GMEB2: variants seen among roughly 807,000 people sequenced by gnomAD.
GMEB2 encodes glucocorticoid modulatory element binding protein 2.
In GMEB2, 7 loss-of-function variants were observed where a neutral mutation model predicts 45.7. That is an observed-to-expected ratio of 0.15 (90% CI 0.09 to 0.29). The LOEUF is 0.29. Among genes scored for constraint, GMEB2 ranks in the 10% least tolerant of loss-of-function variants. GMEB2 has a pLI of 1.00. For missense variants in GMEB2, 582 were observed against 739.2 expected (o/e 0.79, Z 2.47); for synonymous variants, 322 against 323.6 (o/e 1.00, Z 0.05).
At chr20:63,601,273 G>C (rs1018906735) in intron 4 of GMEB2, among the ~76,000 whole-genome samples, 1 of 152,016 alleles carries the variant, frequency 6.6e-6, no homozygotes, top group Admixed American at 6.6e-5. Context: ...TCCAGGCTGG[G>C]GTCAGTCAGG....
intron 2 of GMEB2, among the ~76,000 whole-genome samples, chr20:63,611,809 G>A (rs561564984): frequency 3.9e-5 from 6 of 152,016 alleles, no homozygotes; most frequent in Non-Finnish European, 5.9e-5. Flanking sequence ...CTTGAGTCCA[G>A]GAGTTCAAGA....
At chr20:63,604,300 C>G (rs1359050477) in intron 3 of GMEB2, among the ~76,000 whole-genome samples, 1 of 151,800 alleles carries the variant, frequency 6.6e-6, no homozygotes, top group Admixed American at 6.6e-5. Flanking sequence ...ATCATCTGAG[C>G]CTGGGAGGTT....
At chr20:63,604,620 A>G in intron 3 of GMEB2, 123 bp downstream of exon 3, 1 of 686,896 alleles carries the variant, frequency 1.5e-6, no homozygotes, top group South Asian at 1.6e-5. Flanking sequence ...AAGGGCACAC[A>G]GCTTGGGAAT....
intron 4 of GMEB2, among the ~76,000 whole-genome samples, chr20:63,599,793 CG>C (rs1433974922): frequency 2.0e-5 from 3 of 152,184 alleles, no homozygotes; most frequent in Non-Finnish European, 2.9e-5. Flanking sequence ...ACGTGCGTTC[CG>C]GACTCACTGC....
At position 63,590,150 on chromosome 20, in the gene GMEB2, G is replaced by C. The variant is rs1398041789; in HGVS notation, c.1532C>G (p.Pro511Arg). The C allele has an allele frequency of 6.4e-7, 1 of 1,573,048 alleles. No individual in the cohort carries two copies. Among genetic ancestry groups the C allele is most frequent in the Non-Finnish European group, 8.6e-7 (1 of 1,157,480 alleles). The change falls in exon 10 of 10, where the codon CCT (proline) becomes CGT (arginine). Residue 511 changes from proline to arginine, a missense_variant. Physicochemically the swap from Pro to Arg is moderately radical, Grantham distance 103 (BLOSUM62 -2). This residue lies in a region of GMEB2 where 462 missense variants were observed against 586.7 expected (regional missense o/e 0.79). Coordinates refer to ENST00000370077, the MANE Select transcript of GMEB2 (RefSeq NM_012384.5). The stretch of plus-strand genomic sequence containing the variant: ...CTCAATGGTGGCCGTGTGCTCCTCA[G>C]GCCCGGGGGCAGCCCCTGCGGGCAC... ...VTVPAGAAPG[P>R]EEHTATIEVA...
At chr20:63,597,393 G>A (rs551990371) in intron 5 of GMEB2, among the ~76,000 whole-genome samples, 1 of 152,020 alleles carries the variant, frequency 6.6e-6, no homozygotes, top group South Asian at 2.1e-4. Flanking sequence ...CAAACTCTTG[G>A]CGTCAAGTGA....
rs1265697655 is a variant in GMEB2 at position 63,593,735 on chromosome 20, C to T, written c.620-653G>A. ...ACACAGATCTGGCTTAAAAAACAAACCCGGGGCCGGATGTGGTGGCTCACG... is the reference window on the plus strand; with the variant it reads ...ACACAGATCTGGCTTAAAAAACAAATCCGGGGCCGGATGTGGTGGCTCACG... On this transcript the variant is annotated intron_variant, in intron 6 of 9. Transcript: ENST00000370077. The surrounding 1 kb of genome is among the most constrained non-coding windows in gnomAD (Gnocchi z 4.7). Among the ~76,000 whole-genome samples the T allele has an allele frequency of 6.6e-6, 1 of 152,116 alleles. No homozygotes were observed.
At position 63,588,541 on chromosome 20, in the gene GMEB2, G is replaced by A. The variant is rs909709416; in HGVS notation, c.*1548C>T. The A allele has an allele frequency of 1.3e-5, 5 of 395,658 alleles. No individual in the cohort carries two copies. The highest frequency in any genetic ancestry group is 1.8e-5 in the Non-Finnish European group (4 of 224,728). The allele number at this position is 395,658 out of a possible 1,614,324, so 24.5% of individuals were successfully genotyped here. A position where few individuals can be genotyped will look rare whatever the true frequency, so the allele number is the denominator to read the frequency against. The stretch of plus-strand genomic sequence containing the variant: ...CAACAGCAAACAAAAATGTAACAGA[G>A]AAAACAAACAAGACACAGCCTCAGT... On this transcript the variant is annotated 3_prime_UTR_variant, in exon 10 of 10. Coordinates refer to ENST00000370077, the MANE Select transcript of GMEB2 (RefSeq NM_012384.5).
At chr20:63,594,939 G>A (rs2083181261) in intron 6 of GMEB2, among the ~76,000 whole-genome samples, 1 of 152,142 alleles carries the variant, frequency 6.6e-6, no homozygotes, top group African/African-American at 2.4e-5. Flanking sequence ...AATAGAGACA[G>A]GGTTTCATCC....
chr20:63,607,172 C>CAA (rs2089526447), intron 2 of GMEB2, among the ~76,000 whole-genome samples: 2 of 147,000 alleles, frequency 1.4e-5, no homozygotes, highest in East Asian at 4.0e-4. Flanking sequence ...CTTTGACCCA[C>CAA]CTCCATTTCC....
intron 1 of GMEB2, among the ~76,000 whole-genome samples, chr20:63,622,691 G>A (rs117288027): frequency 6.6e-6 from 1 of 152,162 alleles, no homozygotes; most frequent in Non-Finnish European, 1.5e-5. Flanking sequence ...AGAAAGCTAC[G>A]ATTTCCTGGG....
In GMEB2 at chr20:63,593,096, G is replaced by T; in HGVS notation, c.620-14C>A. 1 of 1,577,822 alleles carries T rather than the reference G, an allele frequency of 6.3e-7. No individual in the cohort carries two copies. The highest frequency in any genetic ancestry group is 8.7e-7 in the Non-Finnish European group (1 of 1,149,414). On this transcript the variant is annotated splice_polypyrimidine_tract_variant and intron_variant, in intron 6 of 9. Coordinates refer to ENST00000370077, the MANE Select transcript of GMEB2 (RefSeq NM_012384.5). The surrounding 1 kb of genome is among the most constrained non-coding windows in gnomAD (Gnocchi z 4.7). Reference sequence around the variant, plus strand: ...GAGACCCATTCACTGCAGCCGAAAGGGAACCTCGGGTGAGTGCTGTTTGGA... The same window carrying T: ...GAGACCCATTCACTGCAGCCGAAAGTGAACCTCGGGTGAGTGCTGTTTGGA...
Position 63,602,872 on chromosome 20 carries a change from G to GC in GMEB2, c.357+92dup, listed in dbSNP as rs1402412925. ...CACTCTCCCCAGCCCTGGAGACCCT[G>GC]CCTCAGGATGCACTCAGCACAGCTG... On this transcript the variant is annotated intron_variant, in intron 4 of 9. Transcript: ENST00000370077. The GC allele has an allele frequency of 1.4e-4, 161 of 1,152,578 alleles. 1 individual carries two copies. The highest frequency in any genetic ancestry group is 2.2e-5 in the Non-Finnish European group (17 of 790,404). The allele number at this position is 1,152,578 out of a possible 1,614,324, so 71.4% of individuals were successfully genotyped here.
intron 2 of GMEB2, among the ~76,000 whole-genome samples, chr20:63,605,406 G>A (rs1001079389): frequency 4.0e-5 from 6 of 150,684 alleles, no homozygotes; most frequent in Non-Finnish European, 8.9e-5. Flanking sequence ...GGTGGCTCGA[G>A]CCCGTAATCC....
intron 2 of GMEB2, among the ~76,000 whole-genome samples, chr20:63,613,630 C>T (rs2089586725): frequency 6.6e-6 from 1 of 151,862 alleles, no homozygotes; most frequent in South Asian, 2.1e-4. Context: ...AGCAATTCTC[C>T]TGCTGCAGCC....
chr20:63,593,124 A>G lies in GMEB2; in HGVS notation c.620-42T>C. 8.5e-7 allele frequency: 1 copy of G among 1,181,712 alleles called. No homozygotes were observed. Among genetic ancestry groups the G allele is most frequent in the Non-Finnish European group, 1.3e-6 (1 of 794,882 alleles). The allele number at this position is 1,181,712 out of a possible 1,614,324, so 73.2% of individuals were successfully genotyped here. A position where few individuals can be genotyped will look rare whatever the true frequency, so the allele number is the denominator to read the frequency against. On this transcript the variant is annotated intron_variant, in intron 6 of 9. Transcript: ENST00000370077. The surrounding 1 kb of genome is among the most constrained non-coding windows in gnomAD (Gnocchi z 4.7). ...ACCTCGGGTGAGTGCTGTTTGGACCACAGTCCCACACCCCACATACCCTGT... is the reference window on the plus strand; with the variant it reads ...ACCTCGGGTGAGTGCTGTTTGGACCGCAGTCCCACACCCCACATACCCTGT...
intron 4 of GMEB2, 53 bp downstream of exon 4, chr20:63,602,912 T>C: frequency 1.3e-6 from 2 of 1,561,538 alleles, no homozygotes; most frequent in African/African-American, 2.7e-5. Flanking sequence ...CCCAAAGCAG[T>C]CACAGACACC....
In GMEB2 at chr20:63,592,700, A is replaced by G. The variant is rs1363496717; in HGVS notation, c.692-30T>C. On this transcript the variant is annotated intron_variant, in intron 7 of 9. Transcript: ENST00000370077. This position sits in a 1 kb window ranked among gnomAD's most constrained non-coding sequence, Gnocchi z 8.2. ...GAGGGAAGGAGTGGGTTCAGTGGGC[A>G]GGGAAAGTGCTGCTACACGGGGCAG... is the stretch of plus-strand genomic sequence containing the variant. 1 of 1,603,680 alleles carries G rather than the reference A, an allele frequency of 6.2e-7. No homozygotes were observed. Among genetic ancestry groups the G allele is most frequent in the Admixed American group, 1.7e-5 (1 of 59,970 alleles).
chr20:63,591,184 CAT>C (rs1470309602), intron 9 of GMEB2, among the ~76,000 whole-genome samples: 2 of 151,730 alleles, frequency 1.3e-5, no homozygotes, highest in East Asian at 3.9e-4. Context: ...TGCACACACA[CAT>C]GCAGAGTGCA....
Sources: allele counts gnomAD v4.1 joint callset (sites outside exome capture counted in the v4.1 genomes callset), GRCh38; gene constraint gnomAD v4.1.1; regional missense constraint gnomAD v4.1.1; non-coding constraint Gnocchi (gnomAD v3.1); transcripts MANE v1.5; gene names NCBI Gene and HGNC (gene_info 2026-07-23, HGNC 2026-07-21).